The following CSF2RA variants were observed in gnomAD, a reference collection of about 807,000 sequenced individuals.
The protein encoded by CSF2RA is colony stimulating factor 2 receptor subunit alpha.
CSF2RA carries 42 observed loss-of-function variants against 51.6 expected under a neutral mutation model. The ratio of observed to expected loss-of-function variants is 0.81; its 90% CI spans 0.64 to 1.05. The LOEUF (loss-of-function observed/expected upper bound fraction) is 1.05. Among genes scored for constraint, CSF2RA ranks in the 50% least tolerant of loss-of-function variants. CSF2RA has a pLI of 0.00. For missense variants in CSF2RA, 530 were observed against 501.1 expected, an observed-to-expected ratio of 1.06 and a Z score of -0.55; for synonymous variants, 222 against 193.0, an observed-to-expected ratio of 1.15 and a Z score of -1.24.
chrX:1,269,879 G>A (rs1452185105), intron 1 of CSF2RA, among the ~76,000 whole-genome samples: 2 of 152,040 alleles, frequency 1.3e-5, no homozygotes, highest in African/African-American at 4.8e-5. Context: ...AGGCTGAGGC[G>A]GGCGGATCAC....
rs2092306228 is a variant in CSF2RA at position 1,300,641 on chromosome X, G to T, written c.946+15G>T. Reference sequence around the variant, plus strand: ...CATTGAATTTGGTAAGCGTTGGGCGGAGGTAAGGGATGTTTGTGCCGTCTG... The same window carrying T: ...CATTGAATTTGGTAAGCGTTGGGCGTAGGTAAGGGATGTTTGTGCCGTCTG... On this transcript the variant is annotated intron_variant, in intron 10 of 12. Coordinates refer to ENST00000381529, the MANE Select transcript of CSF2RA (RefSeq NM_172245.4). 6.2e-7 allele frequency: 1 copy of T among 1,613,800 alleles called. No homozygotes were observed. Among genetic ancestry groups the T allele is most frequent in the African/African-American group, 1.3e-5 (1 of 74,914 alleles).
At chrX:1,322,822 G>A in the CSF2RA span, among the ~76,000 whole-genome samples, 3 of 152,050 alleles carry the variant, frequency 2.0e-5, no homozygotes, top group Non-Finnish European at 4.4e-5. Flanking sequence ...CTTTGCAGAT[G>A]TGATGAAGGA....
rs772100628 is a variant in CSF2RA, at chrX:1,285,952, C to G, written c.219+32C>G. 35 of 1,613,460 alleles carry G rather than the reference C, an allele frequency of 2.2e-5. No individual in the cohort carries two copies. In the South Asian group the frequency reaches 2.2e-4, roughly 10 times the overall value. ...CGAATTTCCCATTCTCAACCCCTGT[C>G]CTTTACACACCCCTTTCTGAGTTAA... On this transcript the variant is annotated intron_variant, in intron 4 of 12. Coordinates refer to ENST00000381529, the MANE Select transcript of CSF2RA (RefSeq NM_172245.4).
At chrX:1,277,496 A>G (rs2089331598) in intron 2 of CSF2RA, among the ~76,000 whole-genome samples, 7 of 143,512 alleles carry the variant, frequency 4.9e-5, no homozygotes, top group Admixed American at 4.3e-4. Flanking sequence ...CTCGGGAGAC[A>G]GAGGCAAGAG....
downstream of CSF2RA, among the ~76,000 whole-genome samples, chrX:1,314,607 C>A (rs1217489848): frequency 1.8e-4 from 4 of 21,952 alleles, no homozygotes; most frequent in African/African-American, 3.1e-4. Context: ...CCCAACCCCA[C>A]TGCACCTGCC....
intron 3 of CSF2RA, among the ~76,000 whole-genome samples, chrX:1,283,325 TTCTC>T (rs757687735): frequency 1.4e-5 from 2 of 146,824 alleles, no homozygotes; most frequent in Non-Finnish European, 3.0e-5. Context: ...CTCCTTCCCT[TTCTC>T]TCTTTCTTCC....
chrX:1,308,180 C>A (rs1402594536), intron 12 of CSF2RA, among the ~76,000 whole-genome samples: 5 of 152,118 alleles, frequency 3.3e-5, no homozygotes, highest in African/African-American at 1.2e-4. Flanking sequence ...AAAGCCCCTT[C>A]GTAGCAGCCG....
In CSF2RA at chrX:1,301,225, G is replaced by A. The variant is rs143661428; in HGVS notation, c.946+599G>A. ...ACATTCCTGTAATCCCAGCTACTCA[G>A]GAGGCTGAGGGCAGGAGAATGACTT... On this transcript the variant is annotated intron_variant, in intron 10 of 12. Transcript: ENST00000381529. 4.1e-4 allele frequency among the ~76,000 whole-genome samples: 62 copies of A among 150,570 alleles called. No homozygotes were observed. The East Asian group carries it at 0.011, about 27-fold the overall frequency.
intron 2 of CSF2RA, among the ~76,000 whole-genome samples, chrX:1,275,362 G>A (rs2089043933): frequency 6.6e-6 from 1 of 151,516 alleles, no homozygotes; most frequent in Non-Finnish European, 1.5e-5. Flanking sequence ...CTGCACTCCA[G>A]CCTGGGCAAC....
At chrX:1,318,876 C>T in the CSF2RA span, among the ~76,000 whole-genome samples, 566 of 147,070 alleles carry the variant, frequency 3.8e-3, 1 homozygote, top group African/African-American at 0.013. Flanking sequence ...GAGATCGTGC[C>T]ACTGCACTCC....
rs754803608 is a variant in CSF2RA, at chrX:1,294,473, C to A, written c.780+12C>A. On this transcript the variant is annotated intron_variant, in intron 8 of 12. Coordinates refer to ENST00000381529, the MANE Select transcript of CSF2RA (RefSeq NM_172245.4). ...ACGTCCACAGAAAGGTCGGTGAGAG[C>A]TCCCCGGGGCTGGGCACCAGGAGGG... 1 of 1,608,360 alleles carries A rather than the reference C, an allele frequency of 6.2e-7. No homozygotes were observed.
chrX:1,283,318 C>T (rs1171606297), intron 3 of CSF2RA, among the ~76,000 whole-genome samples: 1 of 147,052 alleles, frequency 6.8e-6, no homozygotes, highest in Non-Finnish European at 1.5e-5. Context: ...TCCTTCCCTC[C>T]TTCCCTTTCT....
In CSF2RA at chrX:1,309,574, C is replaced by G. The variant is rs376524362; in HGVS notation, c.*95C>G. 2.5e-6 allele frequency: 4 copies of G among 1,613,784 alleles called. No individual in the cohort carries two copies. The highest frequency in any genetic ancestry group is 3.4e-6 in the Non-Finnish European group (4 of 1,179,842). On this transcript the variant is annotated 3_prime_UTR_variant, in exon 13 of 13. Coordinates refer to ENST00000381529, the MANE Select transcript of CSF2RA (RefSeq NM_172245.4). ...ATGCTGTGAACCTTTATATCATTTT[C>G]TATGTTTTTATTTAAAAACATGACA...
chrX:1,314,102 C>A (rs1410760225), downstream of CSF2RA, among the ~76,000 whole-genome samples: 3 of 152,140 alleles, frequency 2.0e-5, no homozygotes, highest in African/African-American at 7.2e-5. Flanking sequence ...AAGGCTGTGG[C>A]GATCAGCCCC....
intron 9 of CSF2RA, among the ~76,000 whole-genome samples, chrX:1,300,013 C>A (rs1307589506): frequency 4.6e-5 from 7 of 151,518 alleles, no homozygotes; most frequent in African/African-American, 9.7e-5. Flanking sequence ...GTGAGGAGAT[C>A]GAGACCATCC....
chrX:1,287,572 T>G (rs1328398482), intron 4 of CSF2RA, among the ~76,000 whole-genome samples: 1 of 147,784 alleles, frequency 6.8e-6, no homozygotes, highest in African/African-American at 2.5e-5. Context: ...GCCTCCTGAG[T>G]AGCTGGGATT....
intron 4 of CSF2RA, chrX:1,287,147 CTTTTTTTTTTTT>C (rs760358278): frequency 1.8e-5 from 2 of 110,818 alleles, no homozygotes; most frequent in Non-Finnish European, 3.7e-5. Flanking sequence ...AGATGACATA[CTTTTTTTTTTTT>C]TTTTTTTTTT....
the CSF2RA span, among the ~76,000 whole-genome samples, chrX:1,323,809 T>C: frequency 6.6e-6 from 1 of 150,728 alleles, no homozygotes; most frequent in African/African-American, 2.4e-5. Flanking sequence ...GGTCAGGAGA[T>C]CGAAACCATC....
chrX:1,284,136 C>A (rs2090357888), intron 3 of CSF2RA, among the ~76,000 whole-genome samples: 1 of 150,008 alleles, frequency 6.7e-6, no homozygotes, highest in Admixed American at 6.6e-5. Context: ...AGAGCCACAT[C>A]ACTCTGGATA....
Sources: allele counts gnomAD v4.1 joint callset (sites outside exome capture counted in the v4.1 genomes callset), GRCh38; gene constraint gnomAD v4.1.1; transcripts MANE v1.5; gene names NCBI Gene and HGNC (gene_info 2026-07-23, HGNC 2026-07-21).